PKHD1: variants seen among roughly 807,000 people sequenced by gnomAD.
The protein encoded by PKHD1 is PKHD1 ciliary IPT domain containing fibrocystin/polyductin.
In PKHD1, 291 loss-of-function variants were observed where a neutral mutation model predicts 412.0. The ratio of observed to expected loss-of-function variants is 0.71; its 90% CI spans 0.64 to 0.78. PKHD1 has a LOEUF of 0.78. PKHD1 is among the 30% of genes least tolerant of loss of function. The pLI is 0.00. For missense variants in PKHD1, 4,825 were observed against 4,950.7 expected (o/e 0.97, Z 0.76); for synonymous variants, 1,777 against 1,821.5 (o/e 0.98, Z 0.62).
At chr6:52,039,758 T>A (rs769216120) in intron 27 of PKHD1, among the ~76,000 whole-genome samples, 4 of 152,324 alleles carry the variant, frequency 2.6e-5, no homozygotes, top group Non-Finnish European at 5.9e-5. Flanking sequence ...TTTAGGTATA[T>A]ACCCAAAAGA....
chr6:51,750,246 G>A (rs919002920), intron 57 of PKHD1, among the ~76,000 whole-genome samples: 5 of 152,082 alleles, frequency 3.3e-5, no homozygotes, highest in Admixed American at 3.3e-4. Flanking sequence ...AGATGGTGTG[G>A]ACATATTCAC....
chr6:51,827,649 T>C (rs1454379996), intron 52 of PKHD1, among the ~76,000 whole-genome samples: 1 of 152,176 alleles, frequency 6.6e-6, no homozygotes, highest in Non-Finnish European at 1.5e-5. Flanking sequence ...AGAGACACTA[T>C]GATTCTAAAC....
At position 52,025,637 on chromosome 6, in the gene PKHD1, T is replaced by C. The variant is rs779629436; in HGVS notation, c.4173A>G (p.Ile1391Met). Reference sequence around the variant, plus strand: ...AACCCTGCGATGGGAAGATGGCCATTATCCGAGGCATCACTGCAAATTGCT... The same window carrying C: ...AACCCTGCGATGGGAAGATGGCCATCATCCGAGGCATCACTGCAAATTGCT... ...VLQQFAVMPR[I>M]MAIFPSQGSA... is the part of the protein sequence containing the mutation. Residue 1391 changes from isoleucine (I) to methionine (M), a missense_variant, in exon 32 of 67, where the codon ATA (isoleucine) becomes ATG (methionine). By Grantham distance (10) the Ile-to-Met change is conservative. Transcript: ENST00000371117. The C allele has an allele frequency of 2.5e-6, 4 of 1,613,940 alleles. No individual in the cohort carries two copies. The highest frequency in any genetic ancestry group is 1.1e-5 in the South Asian group (1 of 91,082).
At chr6:51,893,704 A>T (rs1779449274) in intron 43 of PKHD1, among the ~76,000 whole-genome samples, 1 of 152,222 alleles carries the variant, frequency 6.6e-6, no homozygotes, top group Admixed American at 6.5e-5. Flanking sequence ...GAGAGAAATT[A>T]ACTGCCCAAG....
At chr6:52,053,955 G>A (rs1426695619) in intron 20 of PKHD1, 83 bp downstream of exon 20, 20 of 1,394,228 alleles carry the variant, frequency 1.4e-5, no homozygotes, top group Non-Finnish European at 2.0e-5. Flanking sequence ...GACCATTAGT[G>A]CCTGAGGTGG....
intron 35 of PKHD1, among the ~76,000 whole-genome samples, chr6:51,966,254 A>G (rs751703578): frequency 6.6e-6 from 1 of 152,164 alleles, no homozygotes; most frequent in Non-Finnish European, 1.5e-5. Flanking sequence ...CAATCAATAT[A>G]TGTAAGATGT....
chr6:51,961,592 T>C (rs575437745), intron 35 of PKHD1, among the ~76,000 whole-genome samples: 1 of 152,260 alleles, frequency 6.6e-6, no homozygotes, highest in Admixed American at 6.5e-5. Flanking sequence ...CAGTACTTCT[T>C]ATAAGGCTAT....
intron 36 of PKHD1, among the ~76,000 whole-genome samples, chr6:51,948,364 C>T (rs1281164472): frequency 6.6e-6 from 1 of 152,110 alleles, no homozygotes; most frequent in African/African-American, 2.4e-5. Flanking sequence ...TCTGCTCTCC[C>T]CCTTGTTCCA....
chr6:52,075,590 A>G (rs1286143387), intron 6 of PKHD1, among the ~76,000 whole-genome samples: 3 of 152,156 alleles, frequency 2.0e-5, no homozygotes, highest in African/African-American at 7.2e-5. Flanking sequence ...CCCCAGCTTT[A>G]TATAATCTTC....
At chr6:51,831,820 A>G (rs1381357067) in intron 51 of PKHD1, among the ~76,000 whole-genome samples, 1 of 152,170 alleles carries the variant, frequency 6.6e-6, no homozygotes, top group Non-Finnish European at 1.5e-5. Flanking sequence ...TTCTGCTAGT[A>G]TCTCATCGCA....
Position 51,903,735 on chromosome 6 carries a change from T to G in PKHD1, c.6866-8A>C. The G allele has an allele frequency of 6.2e-7, 1 of 1,607,614 alleles. No homozygotes were observed. The highest frequency in any genetic ancestry group is 1.1e-5 in the South Asian group (1 of 90,972). The stretch of plus-strand genomic sequence containing the variant: ...TTCCATGTCCTGACCAGTCTAATGT[T>G]TCAACAAATCCAGGGGATCCACAAA... On this transcript the variant is annotated splice_polypyrimidine_tract_variant and splice_region_variant and intron_variant, in intron 42 of 66. Coordinates refer to ENST00000371117, the MANE Select transcript of PKHD1 (RefSeq NM_138694.4).
intron 51 of PKHD1, among the ~76,000 whole-genome samples, chr6:51,835,015 T>C (rs551433406): frequency 1.3e-5 from 2 of 152,314 alleles, no homozygotes; most frequent in South Asian, 2.1e-4. Flanking sequence ...CTGGATAGGA[T>C]AGCCTGCAAG....
chr6:51,696,874 A>T (rs1778863372), intron 60 of PKHD1, among the ~76,000 whole-genome samples: 1 of 152,196 alleles, frequency 6.6e-6, no homozygotes, highest in African/African-American at 2.4e-5. Flanking sequence ...AACAGTATTT[A>T]GTCTCACAGG....
At chr6:51,787,608 G>C (rs983375063) in intron 53 of PKHD1, among the ~76,000 whole-genome samples, 2 of 152,152 alleles carry the variant, frequency 1.3e-5, no homozygotes, top group Non-Finnish European at 2.9e-5. Context: ...GGGCAGATGG[G>C]TTCCAATAAC....
chr6:51,694,350 T>C (rs1308005201), intron 60 of PKHD1, among the ~76,000 whole-genome samples: 2 of 151,874 alleles, frequency 1.3e-5, no homozygotes, highest in Non-Finnish European at 1.5e-5. Context: ...CACTCTTCCA[T>C]ATGGATTTCT....
intron 52 of PKHD1, among the ~76,000 whole-genome samples, chr6:51,807,489 G>T (rs34084744): frequency 8.8e-6 from 1 of 113,862 alleles, no homozygotes. Context: ...ATGTATATGT[G>T]TGTGTGTGTG....
chr6:51,819,965 A>C (rs570189264), intron 52 of PKHD1, among the ~76,000 whole-genome samples: 18 of 152,352 alleles, frequency 1.2e-4, no homozygotes, highest in Non-Finnish European at 2.2e-4. Context: ...TGACCTAAAA[A>C]TAAAATAGGA....
chr6:51,659,634 C>T lies in PKHD1; in HGVS notation c.10492G>A (p.Val3498Ile), dbSNP rs754598286. ...NKSTSKLLLA[V>I]FYHELQSPHV... The stretch of plus-strand genomic sequence containing the variant: ...GGGCTCTGGAGCTCATGGTAGAATA[C>T]AGCCAAGAGAAGCTTGGAGGTACTT... The change falls in exon 61 of 67, where the codon GTA becomes ATA. Residue 3498 changes from valine (V) to isoleucine (I), a missense_variant. Transcript: ENST00000371117. 5.6e-6 allele frequency: 9 copies of T among 1,613,760 alleles called. No homozygotes were observed. Among genetic ancestry groups the T allele is most frequent in the Middle Eastern group, 1.7e-4 (1 of 6,058 alleles).
intron 37 of PKHD1, among the ~76,000 whole-genome samples, chr6:51,925,966 T>C (rs1331527132): frequency 7.3e-6 from 1 of 136,798 alleles, no homozygotes; most frequent in East Asian, 2.6e-4. Flanking sequence ...TTCTAGGCAA[T>C]GCAGATTAAA....
Sources: allele counts gnomAD v4.1 joint callset (sites outside exome capture counted in the v4.1 genomes callset), GRCh38; gene constraint gnomAD v4.1.1; transcripts MANE v1.5; gene names NCBI Gene and HGNC (gene_info 2026-07-23, HGNC 2026-07-21).